SGCZ: variants seen among roughly 807,000 people sequenced by gnomAD.
SGCZ encodes sarcoglycan zeta.
In SGCZ, 40 loss-of-function variants were observed where a neutral mutation model predicts 41.3. That is an observed-to-expected ratio of 0.97 (90% CI 0.75 to 1.26). SGCZ has a LOEUF of 1.26. SGCZ is among the 50% of genes most tolerant of loss of function. SGCZ has a pLI of 0.00. For synonymous variants in SGCZ, 206 were observed against 137.5 expected (o/e 1.50, Z -3.49); for missense variants, 552 against 369.8 (o/e 1.49, Z -4.04).
chr8:14,095,882 A>G (rs1037679224), intron 7 of SGCZ, among the ~76,000 whole-genome samples: 2 of 151,888 alleles, frequency 1.3e-5, no homozygotes, highest in African/African-American at 2.4e-5. Flanking sequence ...GTGGGAGTTG[A>G]CTCATGATTT....
At chr8:14,910,565 A>G (rs1799253961) in intron 1 of SGCZ, among the ~76,000 whole-genome samples, 1 of 151,864 alleles carries the variant, frequency 6.6e-6, no homozygotes, top group African/African-American at 2.4e-5. Context: ...TTTTCTTAAC[A>G]TTAATATTTT....
intron 2 of SGCZ, among the ~76,000 whole-genome samples, chr8:14,454,063 T>G (rs1800673196): frequency 6.6e-6 from 1 of 152,184 alleles, no homozygotes; most frequent in African/African-American, 2.4e-5. Flanking sequence ...GACCTTCCAG[T>G]TGCTATCTAC....
intron 1 of SGCZ, among the ~76,000 whole-genome samples, chr8:14,953,260 C>T (rs1325354024): frequency 1.3e-5 from 2 of 152,094 alleles, no homozygotes; most frequent in African/African-American, 4.8e-5. Flanking sequence ...GCAAGTACTT[C>T]TTCCCATGGC....
intron 2 of SGCZ, among the ~76,000 whole-genome samples, chr8:14,379,619 T>A (rs1040994062): frequency 9.2e-5 from 14 of 152,144 alleles, no homozygotes; most frequent in African/African-American, 3.4e-4. Context: ...AGTCAACCGA[T>A]ACTAAGTTTA....
At chr8:14,718,785 G>C (rs947485663) in intron 1 of SGCZ, among the ~76,000 whole-genome samples, 1 of 151,076 alleles carries the variant, frequency 6.6e-6, no homozygotes, top group East Asian at 1.9e-4. Context: ...GAACAGTTTA[G>C]AAATCCCTTC....
At chr8:15,035,716 T>A (rs1001762318) in intron 1 of SGCZ, among the ~76,000 whole-genome samples, 1 of 151,612 alleles carries the variant, frequency 6.6e-6, no homozygotes, top group African/African-American at 2.4e-5. Flanking sequence ...AAAATTGAAG[T>A]CAAAACTGTC....
intron 4 of SGCZ, among the ~76,000 whole-genome samples, chr8:14,171,136 A>G (rs13260343): frequency 0.41 from 52,937 of 130,656 alleles, 12,344 homozygotes; most frequent in Non-Finnish European, 0.55. Context: ...TTTATTTCTA[A>G]TATGTGTTTC....
intron 7 of SGCZ, among the ~76,000 whole-genome samples, chr8:14,098,812 C>T (rs558963257): frequency 1.3e-5 from 2 of 152,040 alleles, no homozygotes; most frequent in Non-Finnish European, 2.9e-5. Context: ...CAGGTGACAG[C>T]CTTAGAATCA....
intron 1 of SGCZ, among the ~76,000 whole-genome samples, chr8:14,985,705 T>C (rs1466158341): frequency 1.3e-5 from 2 of 152,150 alleles, no homozygotes; most frequent in African/African-American, 4.8e-5. Flanking sequence ...CAGTAGTCCA[T>C]TTAGGACATC....
chr8:14,260,172 G>C (rs557378006), intron 3 of SGCZ, among the ~76,000 whole-genome samples: 2 of 151,988 alleles, frequency 1.3e-5, no homozygotes, highest in Non-Finnish European at 2.9e-5. Flanking sequence ...CTACAGAATG[G>C]GAGAAAATTT....
chr8:14,177,308 G>C (rs554692400), intron 4 of SGCZ, among the ~76,000 whole-genome samples: 1 of 152,146 alleles, frequency 6.6e-6, no homozygotes, highest in African/African-American at 2.4e-5. Flanking sequence ...AGGGAGAAAG[G>C]ATTGAAACTC....
intron 1 of SGCZ, among the ~76,000 whole-genome samples, chr8:14,595,908 T>C (rs928743625): frequency 1.3e-5 from 2 of 151,986 alleles, no homozygotes; most frequent in Non-Finnish European, 2.9e-5. Flanking sequence ...GAAAAAAAAA[T>C]GTTAGGTTGT....
At chr8:15,187,973 T>C (rs1800400484) in intron 1 of SGCZ, among the ~76,000 whole-genome samples, 1 of 152,056 alleles carries the variant, frequency 6.6e-6, no homozygotes, top group Non-Finnish European at 1.5e-5. Context: ...GATATCCGTA[T>C]TTGTGTATGA....
At position 14,085,028 on chromosome 8, in the gene SGCZ, C is replaced by A. The variant is rs888509786; in HGVS notation, c.*5415G>T. Among the ~76,000 whole-genome samples, 5 of 151,666 alleles carry A rather than the reference C, an allele frequency of 3.3e-5. No homozygotes were observed. Among genetic ancestry groups the A allele is most frequent in the Non-Finnish European group, 5.9e-5 (4 of 67,804 alleles). On this transcript the variant is annotated 3_prime_UTR_variant, in exon 8 of 8. Transcript: ENST00000382080. Reference sequence around the variant, plus strand: ...AATTGCCAAAACTTTGCTGCATTTTCTCTCCCCCAAAATATACCCCAATTA... The same window carrying A: ...AATTGCCAAAACTTTGCTGCATTTTATCTCCCCCAAAATATACCCCAATTA...
intron 1 of SGCZ, among the ~76,000 whole-genome samples, chr8:14,577,478 T>G (rs1174914972): frequency 7.0e-6 from 1 of 143,078 alleles, no homozygotes; most frequent in East Asian, 2.2e-4. Context: ...AACCTCTGCC[T>G]CCCAGATTCA....
At chr8:14,676,109 T>C (rs1016241600) in intron 1 of SGCZ, among the ~76,000 whole-genome samples, 5 of 152,132 alleles carry the variant, frequency 3.3e-5, no homozygotes, top group Admixed American at 6.5e-5. Context: ...AACTCAGGAA[T>C]AGTTTGTGTT....
intron 1 of SGCZ, among the ~76,000 whole-genome samples, chr8:14,718,093 A>T (rs2130169096): frequency 6.6e-6 from 1 of 151,590 alleles, no homozygotes; most frequent in African/African-American, 2.4e-5. Context: ...TATAGAAATG[A>T]ATAACTGTGA....
intron 1 of SGCZ, among the ~76,000 whole-genome samples, chr8:15,139,616 TTG>T (rs1808246904): frequency 6.6e-6 from 1 of 152,196 alleles, no homozygotes. Flanking sequence ...ACACTTCTTT[TTG>T]TGTGACAAAA....
intron 4 of SGCZ, among the ~76,000 whole-genome samples, chr8:14,172,899 T>C (rs1804430242): frequency 6.6e-6 from 1 of 152,102 alleles, no homozygotes; most frequent in African/African-American, 2.4e-5. Context: ...TGATACCATA[T>C]GATAATTATT....
Sources: allele counts gnomAD v4.1 joint callset (sites outside exome capture counted in the v4.1 genomes callset), GRCh38; gene constraint gnomAD v4.1.1; transcripts MANE v1.5; gene names NCBI Gene and HGNC (gene_info 2026-07-23, HGNC 2026-07-21).